Variants in CDH13 observed in about 807,000 individuals in gnomAD.
CDH13 encodes the protein cadherin 13.
CDH13 carries 24 observed loss-of-function variants against 63.8 expected under a neutral mutation model. The ratio of observed to expected loss-of-function variants is 0.38; its 90% CI spans 0.27 to 0.53. The LOEUF (loss-of-function observed/expected upper bound fraction) is 0.53. Among genes scored for constraint, CDH13 ranks in the 20% least tolerant of loss-of-function variants. The probability of loss-of-function intolerance (pLI) is 0.85; values close to 1 mark genes in which losing one functional copy is unlikely to be tolerated. For missense variants in CDH13, 1,049 were observed against 903.1 expected (o/e 1.16, Z -2.07); for synonymous variants, 503 against 355.3 (o/e 1.42, Z -4.67).
At chr16:82,982,900 C>T (rs183725668) in intron 2 of CDH13, among the ~76,000 whole-genome samples, 133 of 152,156 alleles carry the variant, frequency 8.7e-4, no homozygotes, top group Middle Eastern at 3.4e-3. Context: ...TGATGGATAC[C>T]CCCATGAACC....
intron 6 of CDH13, among the ~76,000 whole-genome samples, chr16:83,444,274 C>T (rs972960311): frequency 1.3e-5 from 2 of 152,110 alleles, no homozygotes; most frequent in Non-Finnish European, 2.9e-5. Context: ...TGATTGAACC[C>T]TTGCTAGGTA....
rs961599622 is a variant in CDH13 at position 83,108,153 on chromosome 16, C to T, written c.367-17232C>T. On this transcript the variant is annotated intron_variant, in intron 3 of 13. Coordinates refer to ENST00000567109, the MANE Select transcript of CDH13 (RefSeq NM_001257.5). Reference sequence around the variant, plus strand: ...TTCTTTTTATCTCTTTCTCTTCCTTCATTCCCCGGGTATGTAGTTAAGGCC... The same window carrying T: ...TTCTTTTTATCTCTTTCTCTTCCTTTATTCCCCGGGTATGTAGTTAAGGCC... Among the ~76,000 whole-genome samples the T allele has an allele frequency of 3.3e-5, 5 of 152,194 alleles. No homozygotes were observed. In the East Asian group the frequency reaches 5.8e-4, roughly 18 times the overall value.
intron 2 of CDH13, among the ~76,000 whole-genome samples, chr16:82,933,150 A>T (rs190110397): frequency 2.0e-5 from 3 of 152,156 alleles, no homozygotes; most frequent in Non-Finnish European, 4.4e-5. Context: ...TCATGCAGCC[A>T]TGAAGACATA....
At chr16:82,911,075 G>A (rs554762721) in intron 2 of CDH13, among the ~76,000 whole-genome samples, 4 of 152,278 alleles carry the variant, frequency 2.6e-5, no homozygotes, top group East Asian at 1.9e-4. Context: ...TAGCTCCCAC[G>A]ATGGTGAGTC....
chr16:82,672,874 A>G lies in CDH13; in HGVS notation c.45+45737A>G, dbSNP rs11863237. On this transcript the variant is annotated intron_variant, in intron 1 of 13. Coordinates refer to ENST00000567109, the MANE Select transcript of CDH13 (RefSeq NM_001257.5). The stretch of plus-strand genomic sequence containing the variant: ...GTGTTGCCCAGGCTGGAGTGCAGTG[A>G]CATGATCATGACTCACTGCCACTTC... 3.5e-3 allele frequency among the ~76,000 whole-genome samples: 526 copies of G among 151,728 alleles called. 5 individuals carry two copies. Among genetic ancestry groups the G allele is most frequent in the African/African-American group, 0.012 (507 of 41,390 alleles).
intron 1 of CDH13, among the ~76,000 whole-genome samples, chr16:82,745,372 C>A (rs112201432): frequency 9.9e-5 from 15 of 152,228 alleles, no homozygotes; most frequent in African/African-American, 3.4e-4. Context: ...TAATAGAGTA[C>A]CATAAAGTCA....
At chr16:83,029,728 T>C (rs1043910610) in intron 2 of CDH13, among the ~76,000 whole-genome samples, 7 of 152,290 alleles carry the variant, frequency 4.6e-5, no homozygotes, top group Non-Finnish European at 8.8e-5. Flanking sequence ...GTTAGGAATT[T>C]TACTCAGGAA....
At chr16:82,858,242 C>G (rs2039783061) in intron 1 of CDH13, 120 bp from the exon 2 acceptor site, 16 of 646,658 alleles carry the variant, frequency 2.5e-5, no homozygotes, top group Middle Eastern at 3.3e-4. Flanking sequence ...CAACTTACCT[C>G]TTCATTTGGG....
chr16:83,321,169 G>T (rs2090215367), intron 5 of CDH13, among the ~76,000 whole-genome samples: 1 of 152,180 alleles, frequency 6.6e-6, no homozygotes, highest in African/African-American at 2.4e-5. Flanking sequence ...GACTGAGCTG[G>T]CAGACACAGA....
chr16:82,760,206 C>T (rs1288242691), intron 1 of CDH13, among the ~76,000 whole-genome samples: 1 of 152,192 alleles, frequency 6.6e-6, no homozygotes, highest in African/African-American at 2.4e-5. Flanking sequence ...TAGACATAAG[C>T]ACCCGGCTCA....
intron 4 of CDH13, among the ~76,000 whole-genome samples, chr16:83,194,993 A>T (rs1296398286): frequency 6.6e-6 from 1 of 152,254 alleles, no homozygotes; most frequent in Non-Finnish European, 1.5e-5. Flanking sequence ...TAAAAAAAGT[A>T]TGAGAATATT....
At chr16:83,461,896 G>A (rs1157413413) in intron 6 of CDH13, among the ~76,000 whole-genome samples, 1 of 152,212 alleles carries the variant, frequency 6.6e-6, no homozygotes. Context: ...ACCCCAGAAA[G>A]CAGTGGCCTG....
At chr16:83,219,209 G>A (rs754677753) in intron 5 of CDH13, among the ~76,000 whole-genome samples, 7 of 152,134 alleles carry the variant, frequency 4.6e-5, no homozygotes, top group Admixed American at 3.3e-4. Context: ...TACAGCTAAC[G>A]CTTCTGAGGA....
intron 3 of CDH13, among the ~76,000 whole-genome samples, chr16:83,036,616 C>G (rs1250438428): frequency 6.6e-6 from 1 of 152,166 alleles, no homozygotes; most frequent in East Asian, 1.9e-4. Flanking sequence ...CACTTTCCCT[C>G]TTCCCGTGGC....
At chr16:83,361,323 C>T (rs2151385969) in intron 6 of CDH13, among the ~76,000 whole-genome samples, 1 of 152,208 alleles carries the variant, frequency 6.6e-6, no homozygotes, top group South Asian at 2.1e-4. Flanking sequence ...TTATAGATTC[C>T]AGATGCTGGA....
intron 4 of CDH13, among the ~76,000 whole-genome samples, chr16:83,196,128 C>T (rs147414966): frequency 0.011 from 1,608 of 152,192 alleles, 30 homozygotes; most frequent in African/African-American, 0.037. Context: ...TGGTGGTGGG[C>T]ACCTGTAGTG....
chr16:82,851,069 C>T (rs1394588829), intron 1 of CDH13, among the ~76,000 whole-genome samples: 1 of 152,106 alleles, frequency 6.6e-6, no homozygotes, highest in Non-Finnish European at 1.5e-5. Flanking sequence ...TCCCTGTTTA[C>T]AGTTTGAGGA....
In CDH13 at chr16:83,120,746, G is replaced by A. The variant is rs367675027; in HGVS notation, c.367-4639G>A. 6.8e-5 allele frequency among the ~76,000 whole-genome samples: 9 copies of A among 133,024 alleles called. No homozygotes were observed. In the South Asian group the frequency reaches 1.4e-3, roughly 21 times the overall value. The allele number at this position is 133,024 out of a possible 152,430, so 87.3% of individuals were successfully genotyped here. A position where few individuals can be genotyped will look rare whatever the true frequency, so the allele number is the denominator to read the frequency against. ...AATATCAGTTTTGTGTAAATACAACGCGCTCTAATTTTCTTTCTTTTTTTT... is the reference window on the plus strand; with the variant it reads ...AATATCAGTTTTGTGTAAATACAACACGCTCTAATTTTCTTTCTTTTTTTT... On this transcript the variant is annotated intron_variant, in intron 3 of 13. Coordinates refer to ENST00000567109, the MANE Select transcript of CDH13 (RefSeq NM_001257.5).
chr16:83,451,132 T>G (rs908765123), intron 6 of CDH13, among the ~76,000 whole-genome samples: 1 of 152,122 alleles, frequency 6.6e-6, no homozygotes, highest in African/African-American at 2.4e-5. Context: ...CAAAGGAGAA[T>G]CATTTGTCTT....
Sources: gnomAD v4.1 joint callset for allele counts (sites outside exome capture counted in the v4.1 genomes callset) on GRCh38, gnomAD v4.1.1 for gene constraint, MANE v1.5 for transcripts, NCBI Gene and HGNC (gene_info 2026-07-23, HGNC 2026-07-21) for gene names.